ARFGEF1: variants seen among roughly 807,000 people sequenced by gnomAD.
ARFGEF1 encodes the protein brefeldin A-inhibited guanine nucleotide-exchange protein 1.
A neutral mutation model predicts 231.0 loss-of-function variants in ARFGEF1; 42 were observed. That is an observed-to-expected ratio of 0.18 (90% CI 0.14 to 0.24). The LOEUF is 0.24. Ranked by LOEUF, ARFGEF1 falls within the 10% of genes least tolerant of loss-of-function variation. The pLI, the probability that ARFGEF1 is intolerant of heterozygous loss-of-function variation, is 1.00. For synonymous variants in ARFGEF1, 710 were observed against 732.3 expected (o/e 0.97, Z 0.49); for missense variants, 1,345 against 2,192.0 (o/e 0.61, Z 7.72).
At chr8:67,194,566 G>GA (rs1242231900), downstream of ARFGEF1, among the ~76,000 whole-genome samples, 3 of 151,990 alleles carry the variant, frequency 2.0e-5, no homozygotes, top group African/African-American at 7.3e-5. Context: ...AGCATTTTAA[G>GA]AATCTTTTTC....
chr8:67,284,613 G>T (rs1016000539), intron 7 of ARFGEF1, among the ~76,000 whole-genome samples: 3 of 152,152 alleles, frequency 2.0e-5, no homozygotes, highest in East Asian at 1.9e-4. Flanking sequence ...TCTTGTTGGG[G>T]ATCTGGGTTT....
intron 5 of ARFGEF1, chr8:67,190,582 C>T: frequency 8.6e-7 from 1 of 1,169,098 alleles, no homozygotes; most frequent in Non-Finnish European, 1.3e-6. Flanking sequence ...TTAAAAGGCT[C>T]TTGGTTTAGC....
At chr8:67,254,118 T>G (rs950609199) in intron 17 of ARFGEF1, among the ~76,000 whole-genome samples, 1 of 152,254 alleles carries the variant, frequency 6.6e-6, no homozygotes, top group African/African-American at 2.4e-5. Context: ...CTGTGGCAAC[T>G]GAATTATGTC....
chr8:67,308,452 G>A (rs994108971), intron 1 of ARFGEF1, among the ~76,000 whole-genome samples: 2 of 152,170 alleles, frequency 1.3e-5, no homozygotes, highest in East Asian at 3.8e-4. Flanking sequence ...TCTAGATAAG[G>A]AAACCACATG....
chr8:67,317,609 T>A (rs72654963), intron 1 of ARFGEF1, among the ~76,000 whole-genome samples: 32,505 of 127,456 alleles, frequency 0.26, 4,223 homozygotes, highest in East Asian at 0.41. Flanking sequence ...AACTAATATT[T>A]AAAAAAAAAA....
In ARFGEF1 at chr8:67,198,757, C is replaced by T; in HGVS notation, c.*177G>A. 7.2e-7 allele frequency: 1 copy of T among 1,393,294 alleles called. No individual in the cohort carries two copies. The highest frequency in any genetic ancestry group is 1.5e-5 in the African/African-American group (1 of 67,236). 86.3% of individuals were successfully genotyped at this position (1,393,294 alleles called of 1,614,324 possible). On this transcript the variant is annotated 3_prime_UTR_variant, in exon 39 of 39. Transcript: ENST00000262215. ...ATGAGGCCAATATAACACACAAAATCCACCAGCACTAAAAGGGACTGGAGT... is the reference window on the plus strand; with the variant it reads ...ATGAGGCCAATATAACACACAAAATTCACCAGCACTAAAAGGGACTGGAGT...
rs185984121 is a variant in ARFGEF1 at position 67,205,296 on chromosome 8, A to G, written c.4820-477T>C. ...AAAGCTTCCTGCCAAAGCTGCCCTGAGAATCTGGGATGGAGGTGTGGCCAT... is the reference window on the plus strand; with the variant it reads ...AAAGCTTCCTGCCAAAGCTGCCCTGGGAATCTGGGATGGAGGTGTGGCCAT... On this transcript the variant is annotated intron_variant, in intron 34 of 38. Transcript: ENST00000262215. Among the ~76,000 whole-genome samples, 55 of 152,318 alleles carry G rather than the reference A, an allele frequency of 3.6e-4. No individual in the cohort carries two copies. In the East Asian group the frequency reaches 0.01, roughly 28 times the overall value.
chr8:67,306,393 A>AT lies in ARFGEF1; in HGVS notation c.125-3928dup, dbSNP rs1232866110. Among the ~76,000 whole-genome samples, 27 of 152,298 alleles carry AT rather than the reference A, an allele frequency of 1.8e-4. No individual in the cohort carries two copies. The East Asian group carries it at 5.2e-3, about 29-fold the overall frequency. ...CTTATTTATGGAATTTCTATGTAAT[A>AT]TTTTCTAGCCAAATCAACACTGTTT... On this transcript the variant is annotated intron_variant, in intron 1 of 38. Coordinates refer to ENST00000262215, the MANE Select transcript of ARFGEF1 (RefSeq NM_006421.5).
At chr8:67,308,111 G>A (rs1195383733) in intron 1 of ARFGEF1, among the ~76,000 whole-genome samples, 1 of 152,164 alleles carries the variant, frequency 6.6e-6, no homozygotes. Flanking sequence ...AGTAAAGATG[G>A]CTCCAGAGGA....
chr8:67,217,604 G>A (rs1452062202), intron 32 of ARFGEF1, among the ~76,000 whole-genome samples, 178 bp downstream of exon 32: 3 of 152,104 alleles, frequency 2.0e-5, no homozygotes, highest in African/African-American at 7.2e-5. Flanking sequence ...TTATGTATTT[G>A]TTATAGTTTA....
chr8:67,297,922 C>T (rs1037060141), intron 4 of ARFGEF1, among the ~76,000 whole-genome samples: 3 of 151,916 alleles, frequency 2.0e-5, no homozygotes, highest in Non-Finnish European at 2.9e-5. Flanking sequence ...CCCACCTCAG[C>T]CTCCTGAGTA....
intron 5 of ARFGEF1, among the ~76,000 whole-genome samples, chr8:67,182,015 C>T (rs1833177892): frequency 6.6e-6 from 1 of 151,808 alleles, no homozygotes; most frequent in Admixed American, 6.6e-5. Flanking sequence ...CTTTTTTTAC[C>T]CCTTAGAGAC....
chr8:67,263,716 A>G (rs1804733373), intron 14 of ARFGEF1, among the ~76,000 whole-genome samples: 1 of 152,182 alleles, frequency 6.6e-6, no homozygotes, highest in Non-Finnish European at 1.5e-5. Flanking sequence ...TCACTAAGCT[A>G]AACATAATCC....
chr8:67,227,557 T>G lies in ARFGEF1; in HGVS notation c.3633A>C (p.Val1211=), dbSNP rs369091329. Reference sequence around the variant, plus strand: ...TCATTGACAACTGCCTCAAGGAGTCTACTGCAAAAATAGCTACATCTTCAT... The same window carrying G: ...TCATTGACAACTGCCTCAAGGAGTCGACTGCAAAAATAGCTACATCTTCAT... ...NPNEDVAIFA[V]DSLRQLSMKF... is the part of the protein sequence containing the mutation. Residue 1211 remains valine (V), a synonymous_variant, in exon 26 of 39, where the codon GTA becomes GTC. Coordinates refer to ENST00000262215, the MANE Select transcript of ARFGEF1 (RefSeq NM_006421.5). 2.8e-5 allele frequency: 45 copies of G among 1,612,910 alleles called. No individual in the cohort carries two copies. The highest frequency in any genetic ancestry group is 1.3e-5 in the Non-Finnish European group (15 of 1,179,218).
chr8:67,301,114 A>G, intron 3 of ARFGEF1, 110 bp downstream of exon 3: 1 of 1,091,558 alleles, frequency 9.2e-7, no homozygotes. Flanking sequence ...TTTTACCACA[A>G]AAAAGAGTAT....
At chr8:67,294,775 A>G (rs577110548) in intron 5 of ARFGEF1, among the ~76,000 whole-genome samples, 2 of 152,278 alleles carry the variant, frequency 1.3e-5, no homozygotes, top group African/African-American at 2.4e-5. Flanking sequence ...ATATAAACAT[A>G]TATTTCCTAA....
chr8:67,255,364 G>C (rs1840421862), intron 17 of ARFGEF1, among the ~76,000 whole-genome samples: 1 of 152,074 alleles, frequency 6.6e-6, no homozygotes, highest in African/African-American at 2.4e-5. Context: ...ATCACTTAAA[G>C]CCAGTTGTTA....
chr8:67,227,043 C>A (rs976878402), intron 27 of ARFGEF1, 94 bp downstream of exon 27: 3 of 1,170,708 alleles, frequency 2.6e-6, no homozygotes, highest in South Asian at 1.8e-5. Context: ...AACTTAAAGG[C>A]CATAATCTTA....
At chr8:67,342,346 A>G (rs1664153983) in intron 1 of ARFGEF1, among the ~76,000 whole-genome samples, 1 of 152,190 alleles carries the variant, frequency 6.6e-6, no homozygotes, top group African/African-American at 2.4e-5. Flanking sequence ...TCATTACACT[A>G]GATCTCTTCC....
Sources: allele counts gnomAD v4.1 joint callset (sites outside exome capture counted in the v4.1 genomes callset), GRCh38; gene constraint gnomAD v4.1.1; transcripts MANE v1.5; gene names NCBI Gene and HGNC (gene_info 2026-07-23, HGNC 2026-07-21).